Variants in GUCY1A1 observed in about 807,000 individuals in gnomAD.
GUCY1A1 encodes guanylate cyclase soluble subunit alpha-1.
In GUCY1A1, 48 loss-of-function variants were observed where a neutral mutation model predicts 64.5. The observed-to-expected ratio is 0.74, with a 90% CI of 0.59 to 0.95. The LOEUF is 0.95. Among genes scored for constraint, GUCY1A1 ranks in the 40% least tolerant of loss-of-function variants. The pLI, the probability that GUCY1A1 is intolerant of heterozygous loss-of-function variation, is 0.00. For missense variants in GUCY1A1, 804 were observed against 825.3 expected (o/e 0.97, Z 0.32); for synonymous variants, 308 against 303.4 (o/e 1.02, Z -0.16).
At chr4:155,672,085 C>A (rs922910037) in intron 2 of GUCY1A1, among the ~76,000 whole-genome samples, 3 of 147,244 alleles carry the variant, frequency 2.0e-5, no homozygotes, top group African/African-American at 7.4e-5. Context: ...TCTGCAAATA[C>A]ACTTATTTTC....
chr4:155,711,152 A>G lies in GUCY1A1; in HGVS notation c.987A>G (p.Pro329=), dbSNP rs1317975700. Residue 329 remains proline, a synonymous_variant, in exon 6 of 10, where the codon CCA becomes CCG. Coordinates refer to ENST00000506455, the MANE Select transcript of GUCY1A1 (RefSeq NM_001130682.3). ...NFEEYFEILT[P]KINQTFSGIM... is the part of the protein sequence containing the mutation. The stretch of plus-strand genomic sequence containing the variant: ...AAGAATACTTTGAAATTCTGACTCC[A>G]AAAATCAACCAGACGTTTAGCGGGA... 6.2e-7 allele frequency: 1 copy of G among 1,613,826 alleles called. No individual in the cohort carries two copies. Among genetic ancestry groups the G allele is most frequent in the Admixed American group, 1.7e-5 (1 of 60,022 alleles).
chr4:155,694,107 T>C (rs1730117588), intron 2 of GUCY1A1, among the ~76,000 whole-genome samples: 1 of 152,236 alleles, frequency 6.6e-6, no homozygotes, highest in African/African-American at 2.4e-5. Context: ...TAGTTAGATT[T>C]TGATATAACT....
chr4:155,670,225 T>G (rs992024821), intron 2 of GUCY1A1, among the ~76,000 whole-genome samples: 5 of 152,226 alleles, frequency 3.3e-5, no homozygotes, highest in Admixed American at 6.5e-5. Flanking sequence ...ACATTTCTAT[T>G]TATTACTTTT....
intron 2 of GUCY1A1, among the ~76,000 whole-genome samples, chr4:155,676,212 C>T (rs1726455169): frequency 6.7e-6 from 1 of 150,210 alleles, no homozygotes. Flanking sequence ...GAAAATGAGA[C>T]CTAAATAGGG....
intron 4 of GUCY1A1, among the ~76,000 whole-genome samples, chr4:155,707,751 T>C (rs1271248193): frequency 1.3e-5 from 2 of 152,204 alleles, no homozygotes; most frequent in Admixed American, 6.5e-5. Flanking sequence ...GGATGGTATA[T>C]GTCATTGCTC....
intron 2 of GUCY1A1, among the ~76,000 whole-genome samples, chr4:155,693,232 G>A (rs1211477712): frequency 6.6e-6 from 1 of 152,162 alleles, no homozygotes; most frequent in African/African-American, 2.4e-5. Flanking sequence ...AAGAGAGTGA[G>A]CATTAAGTTT....
chr4:155,723,161 A>G (rs1357531740), intron 9 of GUCY1A1, among the ~76,000 whole-genome samples: 1 of 152,164 alleles, frequency 6.6e-6, no homozygotes, highest in Admixed American at 6.6e-5. Flanking sequence ...CAAAAAATCC[A>G]AGAGTTTTAG....
At chr4:155,696,128 T>A (rs1213404517) in intron 2 of GUCY1A1, among the ~76,000 whole-genome samples, 1 of 152,152 alleles carries the variant, frequency 6.6e-6, no homozygotes, top group African/African-American at 2.4e-5. Context: ...AGTTCTGATG[T>A]TTTTTTCATT....
At chr4:155,683,473 T>A (rs1736106901) in intron 2 of GUCY1A1, among the ~76,000 whole-genome samples, 1 of 152,240 alleles carries the variant, frequency 6.6e-6, no homozygotes, top group African/African-American at 2.4e-5. Flanking sequence ...AAAATAATTA[T>A]TGGCAGTCCC....
chr4:155,721,721 T>TCC (rs1355632919), intron 8 of GUCY1A1, among the ~76,000 whole-genome samples: 1 of 152,088 alleles, frequency 6.6e-6, no homozygotes, highest in Non-Finnish European at 1.5e-5. Context: ...ACAGCTCATA[T>TCC]CCCCCTTGCT....
At chr4:155,707,604 TAA>T (rs113865416) in intron 4 of GUCY1A1, among the ~76,000 whole-genome samples, 3 of 142,656 alleles carry the variant, frequency 2.1e-5, no homozygotes, top group African/African-American at 5.2e-5. Flanking sequence ...GATATAAAGG[TAA>T]AAAAAAAAAA....
intron 2 of GUCY1A1, among the ~76,000 whole-genome samples, chr4:155,695,654 T>C (rs908385599): frequency 6.6e-6 from 1 of 152,192 alleles, no homozygotes; most frequent in African/African-American, 2.4e-5. Context: ...GAGAGAAAAC[T>C]ACCTAAACTT....
At chr4:155,677,493 A>G (rs746774047) in intron 2 of GUCY1A1, among the ~76,000 whole-genome samples, 5 of 152,182 alleles carry the variant, frequency 3.3e-5, no homozygotes, top group Non-Finnish European at 7.3e-5. Context: ...TAGATAGTGC[A>G]GCCGTGGATT....
In GUCY1A1 at chr4:155,711,192, A is replaced by T. The variant is rs1286465348; in HGVS notation, c.1027A>T (p.Asn343Tyr). The T allele has an allele frequency of 6.2e-7, 1 of 1,613,648 alleles. No individual in the cohort carries two copies. The highest frequency in any genetic ancestry group is 8.5e-7 in the Non-Finnish European group (1 of 1,179,556). Reference protein sequence around the residue: ...QTFSGIMTMLNMQFVVRVRRW... With the variant: ...QTFSGIMTMLYMQFVVRVRRW... ...GTTTAGCGGGATCATGACTATGTTG[A>T]ATATGCAGTTTGTTGTACGAGTGAG... Residue 343 changes from asparagine (N) to tyrosine (Y), a missense_variant, in exon 6 of 10, where the codon AAT becomes TAT. Transcript: ENST00000506455.
chr4:155,692,500 G>A (rs1729878490), intron 2 of GUCY1A1, among the ~76,000 whole-genome samples: 1 of 152,144 alleles, frequency 6.6e-6, no homozygotes, highest in Admixed American at 6.5e-5. Context: ...ATTCTGACTG[G>A]TGTTAGATGG....
chr4:155,709,342 T>C (rs969333616), intron 5 of GUCY1A1, among the ~76,000 whole-genome samples: 2 of 152,182 alleles, frequency 1.3e-5, no homozygotes, highest in African/African-American at 4.8e-5. Flanking sequence ...CCCTCCTTTG[T>C]TAATTCTTTC....
At chr4:155,668,918 GT>G (rs1270327043) in intron 2 of GUCY1A1, among the ~76,000 whole-genome samples, 1 of 152,110 alleles carries the variant, frequency 6.6e-6, no homozygotes, top group South Asian at 2.1e-4. Flanking sequence ...CCCTAAAATT[GT>G]ATTTAAACAT....
intron 2 of GUCY1A1, among the ~76,000 whole-genome samples, chr4:155,672,907 T>C (rs891372255): frequency 6.6e-6 from 1 of 152,222 alleles, no homozygotes; most frequent in Admixed American, 6.5e-5. Context: ...TCATTTAGAA[T>C]ATTTGCTATC....
chr4:155,710,749 AGGAG>A lies in GUCY1A1; in HGVS notation c.586_589del (p.Glu196MetfsTer17), dbSNP rs1310254558. On this transcript the variant is annotated frameshift_variant, in exon 6 of 10. Transcript: ENST00000506455. LOFTEE classifies it high-confidence loss of function. ...GACGCCTCCATTCTATGCCTGGATA[AGGAG>A]GATGATTTTCTACATGTTTACTACT... is the stretch of plus-strand genomic sequence containing the variant. 1 of 1,614,036 alleles carries A rather than the reference AGGAG, an allele frequency of 6.2e-7. No individual in the cohort carries two copies. Among genetic ancestry groups the A allele is most frequent in the Non-Finnish European group, 8.5e-7 (1 of 1,179,910 alleles).
Sources: allele counts gnomAD v4.1 joint callset (sites outside exome capture counted in the v4.1 genomes callset), GRCh38; gene constraint gnomAD v4.1.1; transcripts MANE v1.5; gene names NCBI Gene and HGNC (gene_info 2026-07-23, HGNC 2026-07-21).